KIAA1217: variants seen among roughly 807,000 people sequenced by gnomAD.
KIAA1217 encodes the protein sickle tail protein homolog.
Under a neutral mutation model 163.9 loss-of-function variants are expected in KIAA1217, and 88 were observed. The ratio of observed to expected loss-of-function variants is 0.54; its 90% CI spans 0.45 to 0.64. The LOEUF (loss-of-function observed/expected upper bound fraction) is 0.64. Ranked by LOEUF, KIAA1217 falls within the 30% of genes least tolerant of loss-of-function variation. KIAA1217 has a pLI of 0.00. For synonymous variants in KIAA1217, 903 were observed against 923.1 expected, an observed-to-expected ratio of 0.98 and a Z score of 0.39; for missense variants, 2,372 against 2,475.0, an observed-to-expected ratio of 0.96 and a Z score of 0.88.
At chr10:23,931,246 C>T (rs1173765890) in intron 1 of KIAA1217, among the ~76,000 whole-genome samples, 1 of 152,102 alleles carries the variant, frequency 6.6e-6, no homozygotes, top group African/African-American at 2.4e-5. Context: ...TCAGCATTAG[C>T]TTGTCCATTT....
intron 1 of KIAA1217, among the ~76,000 whole-genome samples, chr10:23,778,509 G>A (rs956515745): frequency 9.9e-5 from 15 of 152,160 alleles, no homozygotes; most frequent in African/African-American, 3.1e-4. Flanking sequence ...AAGACATCAG[G>A]TAGCCCCTGA....
chr10:24,192,866 A>G (rs1306238581), intron 2 of KIAA1217, among the ~76,000 whole-genome samples: 3 of 152,230 alleles, frequency 2.0e-5, no homozygotes, highest in Non-Finnish European at 2.9e-5. Context: ...CTGTGGCCTC[A>G]GACTCCTGGG....
At position 24,321,890 on chromosome 10, in the gene KIAA1217, G is replaced by A. The variant is rs549494198; in HGVS notation, c.355-58979G>A. 2.0e-5 allele frequency among the ~76,000 whole-genome samples: 3 copies of A among 152,232 alleles called. No individual in the cohort carries two copies. In the South Asian group the frequency reaches 6.2e-4, roughly 32 times the overall value. On this transcript the variant is annotated intron_variant, in intron 2 of 20. Coordinates refer to ENST00000376454, the MANE Select transcript of KIAA1217 (RefSeq NM_019590.5). The stretch of plus-strand genomic sequence containing the variant: ...GAAAATACTTAGTGCCACTGAACCG[G>A]ACGCTCAAAAATGGCTAGGTTGGTA...
At chr10:24,417,645 A>G (rs1271218627) in intron 3 of KIAA1217, among the ~76,000 whole-genome samples, 1 of 152,176 alleles carries the variant, frequency 6.6e-6, no homozygotes. Flanking sequence ...GAGAGGAAGG[A>G]GACCATGGTG....
At chr10:23,898,582 T>C (rs1841810691) in intron 1 of KIAA1217, among the ~76,000 whole-genome samples, 1 of 152,124 alleles carries the variant, frequency 6.6e-6, no homozygotes, top group African/African-American at 2.4e-5. Context: ...TAAAATTTTT[T>C]AAGTGTTTTA....
At chr10:24,400,252 A>T (rs1416713016) in intron 3 of KIAA1217, among the ~76,000 whole-genome samples, 1 of 152,226 alleles carries the variant, frequency 6.6e-6, no homozygotes, top group South Asian at 2.1e-4. Context: ...CTGGACTTAT[A>T]CTACCTGACC....
chr10:24,328,164 A>G (rs2045181932), intron 2 of KIAA1217, among the ~76,000 whole-genome samples: 1 of 152,198 alleles, frequency 6.6e-6, no homozygotes, highest in Middle Eastern at 3.2e-3. Context: ...AGCTTTATTC[A>G]GGTGCTGCAG....
rs1399665714 is a variant in KIAA1217, at chr10:24,494,629, A to G, written c.1784+25A>G. The G allele has an allele frequency of 3.5e-6, 5 of 1,410,000 alleles. No homozygotes were observed. In the African/African-American group the frequency reaches 7.2e-5, roughly 20 times the overall value. 87.3% of individuals were successfully genotyped at this position (1,410,000 alleles called of 1,614,324 possible). The stretch of plus-strand genomic sequence containing the variant: ...GGTAAAAAAGAAGAAAGCCAATGAA[A>G]AAAATAATTCAATCTGTTTCTCTTT... On this transcript the variant is annotated intron_variant, in intron 7 of 20. Transcript: ENST00000376454.
At chr10:24,292,272 C>T (rs2079154976) in intron 2 of KIAA1217, among the ~76,000 whole-genome samples, 2 of 152,200 alleles carry the variant, frequency 1.3e-5, no homozygotes, top group Admixed American at 1.3e-4. Context: ...TGATGGAAAA[C>T]TCCAAAAGAC....
intron 1 of KIAA1217, among the ~76,000 whole-genome samples, chr10:23,742,704 C>T (rs12416622): frequency 0.065 from 9,899 of 152,224 alleles, 593 homozygotes; most frequent in African/African-American, 0.15. Flanking sequence ...ACAAAAACAC[C>T]TCCCACCAAG....
intron 2 of KIAA1217, among the ~76,000 whole-genome samples, chr10:24,189,534 C>T (rs577494569): frequency 6.6e-6 from 1 of 152,216 alleles, no homozygotes; most frequent in African/African-American, 2.4e-5. Context: ...ATACCTTTTT[C>T]TCACCCATCA....
chr10:23,971,427 C>T (rs1325102345), intron 1 of KIAA1217, among the ~76,000 whole-genome samples: 4 of 152,132 alleles, frequency 2.6e-5, no homozygotes, highest in Non-Finnish European at 4.4e-5. Flanking sequence ...AGAGAGATGG[C>T]TAAAAAATGT....
At chr10:24,525,937 G>T (rs1433164243) in intron 13 of KIAA1217, among the ~76,000 whole-genome samples, 1 of 152,162 alleles carries the variant, frequency 6.6e-6, no homozygotes, top group Non-Finnish European at 1.5e-5. Flanking sequence ...GCTTCAGTGA[G>T]CCAAGATCAC....
In KIAA1217 at chr10:24,219,740, A is replaced by G. The variant is rs369092563; in HGVS notation, c.185A>G (p.Asn62Ser). The change falls in exon 2 of 21, where the codon AAT (asparagine) becomes AGT (serine). Residue 62 changes from asparagine to serine, a missense_variant. By Grantham distance (46) the Asn-to-Ser change is conservative (BLOSUM62 1). Around this residue, in one of 3 missense-constraint regions of KIAA1217, gnomAD observed 1,431 missense variants for 1,470.3 expected, o/e 0.97. Transcript: ENST00000376454. ...GGTTCAGTTTCCAAGTCTTCCCGCAATATCCCAAGGAGACACACCCTAGGG... is the reference window on the plus strand; with the variant it reads ...GGTTCAGTTTCCAAGTCTTCCCGCAGTATCCCAAGGAGACACACCCTAGGG... ...SRGSVSKSSR[N>S]IPRRHTLGGP... 2.1e-4 allele frequency: 341 copies of G among 1,614,028 alleles called. 3 individuals are homozygous for G. The South Asian group carries it at 3.0e-3, about 14-fold the overall frequency.
chr10:23,867,368 T>C (rs910308913), intron 1 of KIAA1217, among the ~76,000 whole-genome samples: 4 of 151,986 alleles, frequency 2.6e-5, no homozygotes, highest in Non-Finnish European at 5.9e-5. Flanking sequence ...ATATACCCAG[T>C]AATGGGATGG....
chr10:23,753,762 C>A (rs993689350), intron 1 of KIAA1217, among the ~76,000 whole-genome samples: 3 of 152,176 alleles, frequency 2.0e-5, no homozygotes, highest in Non-Finnish European at 4.4e-5. Flanking sequence ...AACAGTTTAT[C>A]AATGAAAAGT....
intron 1 of KIAA1217, 70 bp from the exon 2 acceptor site, chr10:24,219,556 C>G (rs2069301382): frequency 7.5e-7 from 1 of 1,326,812 alleles, no homozygotes; most frequent in Non-Finnish European, 1.0e-6. Context: ...CGCAAACCCT[C>G]TTGGTGTTCT....
At chr10:23,908,280 G>GTT (rs111910425) in intron 1 of KIAA1217, among the ~76,000 whole-genome samples, 4 of 151,638 alleles carry the variant, frequency 2.6e-5, no homozygotes, top group African/African-American at 7.3e-5. Context: ...TGGATGTATT[G>GTT]TTTTTTTTCA....
At chr10:24,520,675 T>TATATATATATATACAC (rs1411092462) in intron 11 of KIAA1217, among the ~76,000 whole-genome samples, 2 of 77,502 alleles carry the variant, frequency 2.6e-5, no homozygotes, top group Non-Finnish European at 4.5e-5. Flanking sequence ...TATATATATA[T>TATATATATATATACAC]ACACACACAC....
Sources: gnomAD v4.1 joint callset for allele counts (sites outside exome capture counted in the v4.1 genomes callset) on GRCh38, gnomAD v4.1.1 for gene constraint, gnomAD v4.1.1 regional missense constraint, MANE v1.5 for transcripts, NCBI Gene and HGNC (gene_info 2026-07-23, HGNC 2026-07-21) for gene names.